SLC12A5: variants seen among roughly 807,000 people sequenced by gnomAD.
SLC12A5 encodes solute carrier family 12 member 5.
Under a neutral mutation model 124.0 loss-of-function variants are expected in SLC12A5, and 18 were observed. That is an observed-to-expected ratio of 0.15 (90% CI 0.10 to 0.22). The LOEUF is 0.22. SLC12A5 is among the 10% of genes least tolerant of loss of function. The pLI, the probability that SLC12A5 is intolerant of heterozygous loss-of-function variation, is 1.00. For synonymous variants in SLC12A5, 589 were observed against 568.0 expected, an observed-to-expected ratio of 1.04 and a Z score of -0.53; for missense variants, 867 against 1,478.7, an observed-to-expected ratio of 0.59 and a Z score of 6.78.
rs1295929663 is a variant in SLC12A5, at chr20:46,059,823, TTTTG to T, written c.*2222_*2225del. The T allele has an allele frequency of 1.8e-5, 7 of 394,960 alleles. No individual in the cohort carries two copies. Among genetic ancestry groups the T allele is most frequent in the Non-Finnish European group, 1.3e-5 (3 of 224,156 alleles). The allele number at this position is 394,960 out of a possible 1,614,324, so 24.5% of individuals were successfully genotyped here. ...GCCTTGTAGTGATAACTAGTGTTGC[TTTTG>T]TTTTAGATGATCTATGTGCAGGGCA... On this transcript the variant is annotated 3_prime_UTR_variant, in exon 26 of 26. Transcript: ENST00000243964.
At position 46,051,868 on chromosome 20, in the gene SLC12A5, T is replaced by A. The variant is rs769820337; in HGVS notation, c.2375T>A (p.Ile792Asn). ...GATCATCAGACGTGGAGGAACTTCA[T>A]TGGTAACGCTATTGGGGGCTGGGGA... ...KEDHQTWRNF[I>N]ELVRETTAGH... The change falls in exon 18 of 26, where the codon ATT (isoleucine) becomes AAT (asparagine). Residue 792 changes from isoleucine (I) to asparagine (N), a missense_variant and splice_region_variant. Transcript: ENST00000243964. 5.8e-6 allele frequency: 9 copies of A among 1,556,272 alleles called. No individual in the cohort carries two copies. The African/African-American group carries it at 1.3e-4, about 22-fold the overall frequency.
At chr20:46,042,425 G>C (rs2084555819) in intron 8 of SLC12A5, among the ~76,000 whole-genome samples, 1 of 152,174 alleles carries the variant, frequency 6.6e-6, no homozygotes, top group Non-Finnish European at 1.5e-5. Context: ...CTGAGTGAGA[G>C]TGATGGAATG....
At chr20:46,032,825 C>T (rs921637476) in intron 1 of SLC12A5, among the ~76,000 whole-genome samples, 1 of 152,168 alleles carries the variant, frequency 6.6e-6, no homozygotes, top group Non-Finnish European at 1.5e-5. Flanking sequence ...TTTAAAAGGA[C>T]CTCTTCCTTG....
Position 46,040,434 on chromosome 20 carries a change from C to G in SLC12A5, c.674C>G (p.Ala225Gly). ...GAAGATGCCAGTGGGGAGGCAGCAGCCATGCTGAACAACATGCGTGTTTAC... is the reference window on the plus strand; with the variant it reads ...GAAGATGCCAGTGGGGAGGCAGCAGGCATGCTGAACAACATGCGTGTTTAC... Reference protein sequence around the residue: ...KAEDASGEAAAMLNNMRVYGT... With the variant: ...KAEDASGEAAGMLNNMRVYGT... Residue 225 changes from alanine to glycine, a missense_variant, in exon 7 of 26, where the codon GCC (alanine) becomes GGC (glycine). This residue lies in a region of SLC12A5 where 126 missense variants were observed against 291.6 expected (regional missense o/e 0.43). Coordinates refer to ENST00000243964, the MANE Select transcript of SLC12A5 (RefSeq NM_020708.5). 1.2e-6 allele frequency: 2 copies of G among 1,614,260 alleles called. No individual in the cohort carries two copies. Among genetic ancestry groups the G allele is most frequent in the Non-Finnish European group, 1.7e-6 (2 of 1,180,056 alleles).
chr20:46,056,361 T>C lies in SLC12A5; in HGVS notation c.2911-4T>C. 1 of 1,609,590 alleles carries C rather than the reference T, an allele frequency of 6.2e-7. No individual in the cohort carries two copies. Among genetic ancestry groups the C allele is most frequent in the Non-Finnish European group, 8.5e-7 (1 of 1,177,460 alleles). The stretch of plus-strand genomic sequence containing the variant: ...CAACTGCCATCGCTTCATTCATCCC[T>C]CAGGTGCAGCTGATCCACGATCAGA... On this transcript the variant is annotated splice_region_variant and splice_polypyrimidine_tract_variant and intron_variant, in intron 22 of 25. Transcript: ENST00000243964. This position sits in a 1 kb window ranked among gnomAD's most constrained non-coding sequence, Gnocchi z 4.3.
At chr20:46,023,035 C>T (rs1053253462) in exon 2 of SLC12A5, 7 of 399,012 alleles carry the variant, frequency 1.8e-5, no homozygotes, top group African/African-American at 1.1e-4. Context: ...GGAGGAGAAG[C>T]CTCCCCAGAC....
intron 7 of SLC12A5, chr20:46,040,863 A>C (rs938378725): frequency 3.3e-5 from 19 of 569,812 alleles, no homozygotes; most frequent in Admixed American, 1.3e-4. Flanking sequence ...TGGACTTAGG[A>C]AGAATTAAGT....
rs183124170 is a variant in SLC12A5 at position 46,045,648 on chromosome 20, C to T, written c.1570-230C>T. On this transcript the variant is annotated intron_variant, in intron 12 of 25. Coordinates refer to ENST00000243964, the MANE Select transcript of SLC12A5 (RefSeq NM_020708.5). The surrounding 1 kb of genome is among the most constrained non-coding windows in gnomAD (Gnocchi z 4.9). The stretch of plus-strand genomic sequence containing the variant: ...GGTCCTCTGCAGCTGCTTTCCCCCT[C>T]TAGGGATCATTTGAACTTCATGGCA... 1.3e-3 allele frequency among the ~76,000 whole-genome samples: 201 copies of T among 152,246 alleles called. 1 individual carries two copies. Among genetic ancestry groups the T allele is most frequent in the Non-Finnish European group, 2.2e-4 (15 of 68,006 alleles).
intron 1 of SLC12A5, among the ~76,000 whole-genome samples, chr20:46,034,113 T>C (rs893859000): frequency 2.0e-5 from 3 of 152,150 alleles, no homozygotes; most frequent in Non-Finnish European, 2.9e-5. Flanking sequence ...TCCAGCCAGA[T>C]CATACTTCAT....
At chr20:46,048,202 G>T in intron 16 of SLC12A5, 117 bp downstream of exon 16, 4 of 911,992 alleles carry the variant, frequency 4.4e-6, no homozygotes. Flanking sequence ...TTGCTGAGTC[G>T]TGCCCTAAAA....
rs145570500 is a variant in SLC12A5 at position 46,035,367 on chromosome 20, C to T, written c.148-37C>T. On this transcript the variant is annotated intron_variant, in intron 2 of 25. Transcript: ENST00000243964. ...CGCCACCCAGCTCACTCCACTTGCT[C>T]CCCCAGCCTCCTAGCACTGACACCC... The T allele has an allele frequency of 4.8e-3, 7,570 of 1,590,106 alleles. 26 individuals carry two copies. The highest frequency in any genetic ancestry group is 5.5e-3 in the Non-Finnish European group (6,434 of 1,166,100).
intron 17 of SLC12A5, among the ~76,000 whole-genome samples, chr20:46,051,420 G>T (rs550053334): frequency 6.6e-6 from 1 of 152,110 alleles, no homozygotes; most frequent in East Asian, 1.9e-4. Flanking sequence ...GGGCAGGGGG[G>T]CTGTATGAGC....
chr20:46,055,162 G>A lies in SLC12A5; in HGVS notation c.2787+139G>A, dbSNP rs1273790345. The A allele has an allele frequency of 6.0e-6, 4 of 664,376 alleles. No individual in the cohort carries two copies. In the East Asian group the frequency reaches 8.2e-5, roughly 14 times the overall value. 41.2% of individuals were successfully genotyped at this position (664,376 alleles called of 1,614,324 possible). ...CCTGATTCCCCCAACCACACCTCCT[G>A]AAACTGATCTCCCAGACAGCAGGAG... On this transcript the variant is annotated intron_variant, in intron 21 of 25. Transcript: ENST00000243964.
In SLC12A5 at chr20:46,058,633, G is replaced by A. The variant is rs940872435; in HGVS notation, c.*1028G>A. 5.0e-6 allele frequency: 2 copies of A among 399,070 alleles called. No individual in the cohort carries two copies. Among genetic ancestry groups the A allele is most frequent in the East Asian group, 7.1e-5 (2 of 28,048 alleles). 24.7% of individuals were successfully genotyped at this position (399,070 alleles called of 1,614,324 possible). A position where few individuals can be genotyped will look rare whatever the true frequency, so the allele number is the denominator to read the frequency against. The stretch of plus-strand genomic sequence containing the variant: ...GCTGGGGAGCAGGCGTCTCTCCTCA[G>A]TCGGCTTGTCGCCTGCTCCCCGTAT... On this transcript the variant is annotated 3_prime_UTR_variant, in exon 26 of 26. Transcript: ENST00000243964. The surrounding 1 kb of genome is among the most constrained non-coding windows in gnomAD (Gnocchi z 5.8).
intron 6 of SLC12A5, among the ~76,000 whole-genome samples, chr20:46,038,894 TG>T (rs2084520603): frequency 6.6e-6 from 1 of 152,182 alleles, no homozygotes; most frequent in Non-Finnish European, 1.5e-5. Context: ...GGAGGATGGA[TG>T]GGGCATGAAA....
intron 14 of SLC12A5, 130 bp from the exon 15 acceptor site, chr20:46,047,324 T>A (rs1389052610): frequency 8.4e-7 from 1 of 1,190,694 alleles, no homozygotes; most frequent in Non-Finnish European, 1.2e-6. Flanking sequence ...TGGTGTGAGT[T>A]CCCCTAGACC....
In SLC12A5 at chr20:46,057,910, G is replaced by A. The variant is rs921071825; in HGVS notation, c.*305G>A. 9.5e-5 allele frequency: 30 copies of A among 317,100 alleles called. No individual in the cohort carries two copies. The highest frequency in any genetic ancestry group is 1.6e-4 in the Non-Finnish European group (28 of 174,018). The allele number at this position is 317,100 out of a possible 1,614,324, so 19.6% of individuals were successfully genotyped here. The stretch of plus-strand genomic sequence containing the variant: ...TAAAGGTTGGGAGAAGGCGCGGAAA[G>A]GAGAGGAGCTGGGGCCTTGGGGACC... On this transcript the variant is annotated 3_prime_UTR_variant, in exon 26 of 26. Transcript: ENST00000243964. This position sits in a 1 kb window ranked among gnomAD's most constrained non-coding sequence, Gnocchi z 7.1.
At chr20:46,040,819 T>A in intron 7 of SLC12A5, 1 of 736,780 alleles carries the variant, frequency 1.4e-6, no homozygotes, top group Non-Finnish European at 2.1e-6. Context: ...AGGGAACAAT[T>A]TACCTTGTAA....
chr20:46,035,817 G>A lies in SLC12A5; in HGVS notation c.320G>A (p.Cys107Tyr). ...MGTFMGVYLP[C>Y]LQNIFGVILF... ...ACCTTCATGGGCGTGTACCTGCCGT[G>A]CCTGCAGAACATCTTTGGCGTCATC... The change falls in exon 4 of 26, where the codon TGC (cysteine) becomes TAC (tyrosine). Residue 107 changes from cysteine to tyrosine, a missense_variant. Physicochemically the swap from Cys to Tyr is radical, Grantham distance 194. Around this residue, in one of 9 missense-constraint regions of SLC12A5, gnomAD observed 126 missense variants for 291.6 expected, o/e 0.43. Coordinates refer to ENST00000243964, the MANE Select transcript of SLC12A5 (RefSeq NM_020708.5). 1 of 1,614,110 alleles carries A rather than the reference G, an allele frequency of 6.2e-7. No homozygotes were observed. Among genetic ancestry groups the A allele is most frequent in the Non-Finnish European group, 8.5e-7 (1 of 1,179,972 alleles).
Sources: gnomAD v4.1 joint callset for allele counts (sites outside exome capture counted in the v4.1 genomes callset) on GRCh38, gnomAD v4.1.1 for gene constraint, gnomAD v4.1.1 regional missense constraint, Gnocchi (gnomAD v3.1) non-coding constraint, MANE v1.5 for transcripts, NCBI Gene and HGNC (gene_info 2026-07-23, HGNC 2026-07-21) for gene names.